NBAS: variants seen among roughly 807,000 people sequenced by gnomAD.
The protein encoded by NBAS is NBAS subunit of NRZ tethering complex, also known as NAG/BC035112 fusion.
A neutral mutation model predicts 302.5 loss-of-function variants in NBAS; 219 were observed. That is an observed-to-expected ratio of 0.72 (90% CI 0.65 to 0.81). NBAS has a LOEUF of 0.81. Among genes scored for constraint, NBAS ranks in the 30% least tolerant of loss-of-function variants. The pLI is 0.00. For synonymous variants in NBAS, 1,118 were observed against 1,021.6 expected, an observed-to-expected ratio of 1.09 and a Z score of -1.80; for missense variants, 2,932 against 2,841.6, an observed-to-expected ratio of 1.03 and a Z score of -0.72.
chr2:14,972,470 A>G, the NBAS span, among the ~76,000 whole-genome samples: 1 of 152,180 alleles, frequency 6.6e-6, no homozygotes, highest in African/African-American at 2.4e-5. Flanking sequence ...ACGTTTGTCA[A>G]ATGGTACCCT....
At chr2:15,397,721 A>T in intron 26 of NBAS, 1 of 388,952 alleles carries the variant, frequency 2.6e-6, no homozygotes, top group Non-Finnish European at 4.7e-6. Flanking sequence ...CATGCAGTGA[A>T]CAGGCTGCAT....
the NBAS span, among the ~76,000 whole-genome samples, chr2:14,873,527 T>A: frequency 6.6e-6 from 1 of 152,182 alleles, no homozygotes; most frequent in Non-Finnish European, 1.5e-5. Flanking sequence ...AGAATATGCA[T>A]GCTTGTGCAC....
chr2:14,894,052 C>T, the NBAS span, among the ~76,000 whole-genome samples: 36 of 152,106 alleles, frequency 2.4e-4, no homozygotes, highest in African/African-American at 7.7e-4. Flanking sequence ...TTCTTTTATC[C>T]AGTATCAAGT....
At chr2:15,507,364 A>G (rs1401832599) in intron 10 of NBAS, among the ~76,000 whole-genome samples, 1 of 152,068 alleles carries the variant, frequency 6.6e-6, no homozygotes, top group Non-Finnish European at 1.5e-5. Flanking sequence ...TAGGATTTCA[A>G]AAAGTCTATG....
chr2:15,107,867 T>A, the NBAS span, among the ~76,000 whole-genome samples: 1 of 152,020 alleles, frequency 6.6e-6, no homozygotes, highest in Non-Finnish European at 1.5e-5. Context: ...TGGCCCCAAG[T>A]TATTATTGAT....
chr2:15,269,844 T>C (rs1461964393), intron 44 of NBAS, among the ~76,000 whole-genome samples: 4 of 152,254 alleles, frequency 2.6e-5, no homozygotes, highest in Non-Finnish European at 5.9e-5. Flanking sequence ...AACTAGTCTT[T>C]AAGACTTTAT....
the NBAS span, among the ~76,000 whole-genome samples, chr2:14,987,002 C>T: frequency 1.3e-5 from 2 of 151,838 alleles, no homozygotes; most frequent in African/African-American, 2.4e-5. Flanking sequence ...TCCTTGATTC[C>T]TAGTGGAATT....
the NBAS span, among the ~76,000 whole-genome samples, chr2:14,789,349 C>T: frequency 1.3e-5 from 2 of 152,128 alleles, no homozygotes; most frequent in Non-Finnish European, 2.9e-5. Context: ...CTGTCCTGCG[C>T]CCACTGTCTG....
At position 15,561,287 on chromosome 2, in the gene NBAS, T is replaced by C. The variant is rs1424066275; in HGVS notation, c.18A>G (p.Ser6=). Residue 6 remains serine, a synonymous_variant, in exon 1 of 52, where the codon TCA becomes TCG. Coordinates refer to ENST00000281513, the MANE Select transcript of NBAS (RefSeq NM_015909.4). The stretch of plus-strand genomic sequence containing the variant: ...CAGTGCCTGGACTCAAAGCCGGCCC[T>C]GACTCGGGGGCCGCCATGTTCGCCG... MAAPE[S]GPALSPGTAE... is the part of the protein sequence containing the mutation. 1 of 1,613,490 alleles carries C rather than the reference T, an allele frequency of 6.2e-7. No individual in the cohort carries two copies.
chr2:15,534,313 T>A (rs574325206), intron 9 of NBAS, among the ~76,000 whole-genome samples: 1 of 152,168 alleles, frequency 6.6e-6, no homozygotes, highest in Non-Finnish European at 1.5e-5. Flanking sequence ...AAGAGGAGAA[T>A]AAATTCCTCA....
At chr2:15,078,602 C>T in the NBAS span, among the ~76,000 whole-genome samples, 1 of 152,180 alleles carries the variant, frequency 6.6e-6, no homozygotes, top group Non-Finnish European at 1.5e-5. Flanking sequence ...CCACTGTCTT[C>T]TGGGGAAAAG....
chr2:14,888,122 C>CTTTATTTA, the NBAS span, among the ~76,000 whole-genome samples: 15 of 151,948 alleles, frequency 9.9e-5, no homozygotes, highest in South Asian at 3.1e-3. Flanking sequence ...CGTTTTATCC[C>CTTTATTTA]TTTATTTATT....
chr2:15,344,668 C>T (rs1673007134), intron 35 of NBAS, among the ~76,000 whole-genome samples: 1 of 152,114 alleles, frequency 6.6e-6, no homozygotes, highest in African/African-American at 2.4e-5. Flanking sequence ...TTTATGAAGC[C>T]AGCAGCATCC....
intron 39 of NBAS, among the ~76,000 whole-genome samples, chr2:15,308,630 TAAG>T (rs1490282221): frequency 1.3e-5 from 2 of 152,274 alleles, no homozygotes; most frequent in African/African-American, 4.8e-5. Flanking sequence ...ACCTAAGAAA[TAAG>T]AGGAGGAAAC....
chr2:15,013,921 G>A, the NBAS span, among the ~76,000 whole-genome samples: 3 of 152,016 alleles, frequency 2.0e-5, no homozygotes, highest in South Asian at 2.1e-4. Context: ...CCAGTGATGT[G>A]TGAACACACA....
At chr2:14,798,878 A>ATCATTT in the NBAS span, among the ~76,000 whole-genome samples, 1 of 152,074 alleles carries the variant, frequency 6.6e-6, no homozygotes, top group African/African-American at 2.4e-5. Flanking sequence ...AGAATTTATT[A>ATCATTT]TCATTTTAAG....
chr2:15,074,697 C>A, the NBAS span, among the ~76,000 whole-genome samples: 17 of 151,934 alleles, frequency 1.1e-4, no homozygotes, highest in African/African-American at 3.4e-4. Context: ...AAATAAAGAT[C>A]TGTGTGGGAA....
the NBAS span, among the ~76,000 whole-genome samples, chr2:15,053,800 C>T: frequency 0.017 from 2,540 of 152,032 alleles, 66 homozygotes; most frequent in African/African-American, 0.059. Context: ...TCTAAAGAAG[C>T]CTAGGGCAGC....
chr2:14,938,782 T>A, the NBAS span, among the ~76,000 whole-genome samples: 1 of 152,246 alleles, frequency 6.6e-6, no homozygotes, highest in Non-Finnish European at 1.5e-5. Flanking sequence ...TTATTGTGTT[T>A]AAGTGTTCTG....
Sources: allele counts gnomAD v4.1 joint callset (sites outside exome capture counted in the v4.1 genomes callset), GRCh38; gene constraint gnomAD v4.1.1; transcripts MANE v1.5; gene names NCBI Gene and HGNC (gene_info 2026-07-23, HGNC 2026-07-21).